TBC1D19: variants seen among roughly 807,000 people sequenced by gnomAD.
The protein encoded by TBC1D19 is TBC1 domain family, member 19.
TBC1D19 carries 60 observed loss-of-function variants against 89.0 expected under a neutral mutation model. That is an observed-to-expected ratio of 0.67 (90% CI 0.55 to 0.84). The LOEUF (loss-of-function observed/expected upper bound fraction) is 0.84, where lower values mean the gene tolerates loss of function less well. Ranked by LOEUF, TBC1D19 falls within the 40% of genes least tolerant of loss-of-function variation. The pLI is 0.00. For missense variants in TBC1D19, 500 were observed against 610.8 expected (o/e 0.82, Z 1.91); for synonymous variants, 189 against 199.7 (o/e 0.95, Z 0.45).
intron 4 of TBC1D19, among the ~76,000 whole-genome samples, chr4:26,629,497 G>T (rs1439589331): frequency 6.6e-6 from 1 of 151,934 alleles, no homozygotes; most frequent in Non-Finnish European, 1.5e-5. Flanking sequence ...GTAGATAATA[G>T]ATATTTTAAA....
intron 4 of TBC1D19, among the ~76,000 whole-genome samples, chr4:26,625,986 TA>T (rs1742369537): frequency 6.6e-6 from 1 of 152,098 alleles, no homozygotes; most frequent in African/African-American, 2.4e-5. Flanking sequence ...AGACCATACT[TA>T]AGGAGTTGAG....
In TBC1D19 at chr4:26,753,904, T is replaced by G. The variant is rs372702760; in HGVS notation, c.1506+14T>G. The G allele has an allele frequency of 6.2e-7, 1 of 1,613,578 alleles. No individual in the cohort carries two copies. The highest frequency in any genetic ancestry group is 8.5e-7 in the Non-Finnish European group (1 of 1,179,704). On this transcript the variant is annotated intron_variant, in intron 20 of 20. Transcript: ENST00000264866. ...GCTGCAGCTGAAGTAAGGATAAGTT[T>G]CACTCAGATGGGATGGAAATAGTTT...
intron 5 of TBC1D19, among the ~76,000 whole-genome samples, chr4:26,637,752 A>T (rs1247708441): frequency 6.6e-6 from 1 of 152,170 alleles, no homozygotes; most frequent in African/African-American, 2.4e-5. Flanking sequence ...TATATTCTAT[A>T]TGGATTTCTA....
intron 1 of TBC1D19, among the ~76,000 whole-genome samples, chr4:26,606,180 G>C (rs1740986998): frequency 1.3e-5 from 2 of 152,040 alleles, no homozygotes; most frequent in Non-Finnish European, 1.5e-5. Context: ...TAAGAGTGAG[G>C]GTCCTGCGAC....
chr4:26,674,231 A>G lies in TBC1D19; in HGVS notation c.816+343A>G, dbSNP rs540570679. On this transcript the variant is annotated intron_variant, in intron 11 of 20. Transcript: ENST00000264866. Reference sequence around the variant, plus strand: ...TGTTAGACTACGGAGAAATAAAGAAAGGCAACTCAGGTTAAGTAAATGGAT... The same window carrying G: ...TGTTAGACTACGGAGAAATAAAGAAGGGCAACTCAGGTTAAGTAAATGGAT... Among the ~76,000 whole-genome samples, 313 of 152,228 alleles carry G rather than the reference A, an allele frequency of 2.1e-3. 3 individuals are homozygous for G. Among genetic ancestry groups the G allele is most frequent in the African/African-American group, 7.3e-3 (305 of 41,574 alleles).
chr4:26,655,489 G>A (rs762104830), intron 7 of TBC1D19, among the ~76,000 whole-genome samples: 7 of 152,234 alleles, frequency 4.6e-5, no homozygotes, highest in Non-Finnish European at 1.5e-5. Context: ...AGAGAGGCAA[G>A]CAGGCCTCCT....
At chr4:26,667,254 A>T (rs1364139615) in intron 9 of TBC1D19, among the ~76,000 whole-genome samples, 1 of 152,042 alleles carries the variant, frequency 6.6e-6, no homozygotes. Flanking sequence ...CATATAAAAG[A>T]ATACATCTAT....
In TBC1D19 at chr4:26,742,593, C is replaced by A. The variant is rs1165605321; in HGVS notation, c.1313C>A (p.Ala438Asp). 1 of 1,611,476 alleles carries A rather than the reference C, an allele frequency of 6.2e-7. No individual in the cohort carries two copies. The highest frequency in any genetic ancestry group is 8.5e-7 in the Non-Finnish European group (1 of 1,178,534). Reference sequence around the variant, plus strand: ...TTTTATCATCTACGAGAAATTGGGGCTCAACCGTGAGTACTTTTCTCTCCT... The same window carrying A: ...TTTTATCATCTACGAGAAATTGGGGATCAACCGTGAGTACTTTTCTCTCCT... ...QLFYHLREIG[A>D]QPLRISFKWM... Residue 438 changes from alanine to aspartate, a missense_variant, in exon 18 of 21, where the codon GCT (alanine) becomes GAT (aspartate). Ala to Asp is a moderately radical substitution (Grantham distance 126). Transcript: ENST00000264866.
At chr4:26,744,798 G>A (rs1718552218) in intron 18 of TBC1D19, among the ~76,000 whole-genome samples, 2 of 152,040 alleles carry the variant, frequency 1.3e-5, no homozygotes, top group South Asian at 4.1e-4. Flanking sequence ...AACATGATCT[G>A]TCTTGGTCCA....
downstream of TBC1D19, among the ~76,000 whole-genome samples, chr4:26,758,965 G>A (rs1275948944): frequency 6.6e-6 from 1 of 152,058 alleles, no homozygotes; most frequent in Non-Finnish European, 1.5e-5. Context: ...TGAACTACTC[G>A]AAGTACCTAA....
intron 13 of TBC1D19, among the ~76,000 whole-genome samples, chr4:26,705,124 TTTG>T (rs71186423): frequency 0.37 from 56,701 of 151,358 alleles, 11,535 homozygotes; most frequent in Non-Finnish European, 0.46. Context: ...CTTGTTTTTT[TTTG>T]TTGTTGTTGT....
chr4:26,748,255 A>G (rs980000799), intron 18 of TBC1D19, among the ~76,000 whole-genome samples, 156 bp from the exon 19 acceptor site: 1 of 152,334 alleles, frequency 6.6e-6, no homozygotes, highest in East Asian at 1.9e-4. Flanking sequence ...GTTTCTCACC[A>G]CTGCACTCTT....
the TBC1D19 span, among the ~76,000 whole-genome samples, chr4:26,785,151 C>T: frequency 6.6e-6 from 1 of 152,156 alleles, no homozygotes; most frequent in Admixed American, 6.5e-5. Context: ...TATCTCCCTA[C>T]CCACTCTAGC....
chr4:26,719,149 A>G (rs190967745), intron 14 of TBC1D19, among the ~76,000 whole-genome samples: 1 of 152,210 alleles, frequency 6.6e-6, no homozygotes, highest in East Asian at 1.9e-4. Flanking sequence ...TCTGGACTAT[A>G]AACCACATGG....
intron 7 of TBC1D19, among the ~76,000 whole-genome samples, chr4:26,647,335 A>G (rs1010350661): frequency 1.3e-5 from 2 of 152,176 alleles, no homozygotes. Flanking sequence ...CCTTCAGTAG[A>G]CACTTGGAAT....
At chr4:26,829,162 G>A in the TBC1D19 span, among the ~76,000 whole-genome samples, 1 of 152,192 alleles carries the variant, frequency 6.6e-6, no homozygotes, top group Non-Finnish European at 1.5e-5. Flanking sequence ...CTTTAAATGA[G>A]CTCATGGGAA....
the TBC1D19 span, among the ~76,000 whole-genome samples, chr4:26,763,085 T>C: frequency 3.9e-5 from 6 of 152,304 alleles, no homozygotes; most frequent in Non-Finnish European, 5.9e-5. Flanking sequence ...AAATAACAAA[T>C]TCACATTGTT....
chr4:26,799,346 A>AC, the TBC1D19 span, among the ~76,000 whole-genome samples: 12 of 151,804 alleles, frequency 7.9e-5, no homozygotes, highest in South Asian at 2.1e-4. Flanking sequence ...CAAAGAGGAA[A>AC]AAAACAAACA....
intron 16 of TBC1D19, among the ~76,000 whole-genome samples, 187 bp downstream of exon 16, chr4:26,735,674 A>G (rs1285570574): frequency 1.1e-4 from 17 of 152,168 alleles, no homozygotes; most frequent in Non-Finnish European, 1.5e-5. Flanking sequence ...TTTATTACAC[A>G]TTAGAAAATT....
Sources: gnomAD v4.1 joint callset for allele counts (sites outside exome capture counted in the v4.1 genomes callset) on GRCh38, gnomAD v4.1.1 for gene constraint, MANE v1.5 for transcripts, NCBI Gene and HGNC (gene_info 2026-07-23, HGNC 2026-07-21) for gene names.